KDM4C: variants seen among roughly 807,000 people sequenced by gnomAD.
KDM4C encodes lysine-specific demethylase 4C.
In KDM4C, 81 loss-of-function variants were observed where a neutral mutation model predicts 129.3. That is an observed-to-expected ratio of 0.63 (90% confidence interval 0.52 to 0.75). The LOEUF is 0.75. Among genes scored for constraint, KDM4C ranks in the 30% least tolerant of loss-of-function variants. The pLI is 0.00. For synonymous variants in KDM4C, 573 were observed against 456.1 expected, an observed-to-expected ratio of 1.26 and a Z score of -3.26; for missense variants, 1,457 against 1,304.0, an observed-to-expected ratio of 1.12 and a Z score of -1.81.
At chr9:6,757,624 T>A (rs560080462), upstream of KDM4C, 2 of 985,454 alleles carry the variant, frequency 2.0e-6, no homozygotes, top group Non-Finnish European at 2.4e-6. Context: ...CACGCTGACG[T>A]CCGCGCGTCG....
Position 6,893,338 on chromosome 9 carries a change from G to A in KDM4C, c.921+106G>A, listed in dbSNP as rs114935011. The A allele has an allele frequency of 4.7e-3, 3,905 of 831,852 alleles. 105 individuals carry two copies. The African/African-American group carries it at 0.061, about 13-fold the overall frequency. The allele number at this position is 831,852 out of a possible 1,614,324, so 51.5% of individuals were successfully genotyped here. ...CATTTATTTATTCTTCCTCACTGGC[G>A]CCATGTGCCTCTCACCACAGCAATT... On this transcript the variant is annotated intron_variant, in intron 8 of 21. Transcript: ENST00000381309.
intron 12 of KDM4C, among the ~76,000 whole-genome samples, chr9:6,991,487 T>G (rs2792242): frequency 0.25 from 38,440 of 152,094 alleles, 5,617 homozygotes; most frequent in Non-Finnish European, 0.32. Flanking sequence ...CCTAGCATCA[T>G]GAAGGCCTTA....
chr9:7,044,882 G>C (rs1375632821), intron 15 of KDM4C, among the ~76,000 whole-genome samples: 2 of 151,928 alleles, frequency 1.3e-5, no homozygotes, highest in Non-Finnish European at 2.9e-5. Flanking sequence ...GAAACTGAGG[G>C]TCAGCTAGAG....
intron 4 of KDM4C, among the ~76,000 whole-genome samples, chr9:6,838,136 G>T (rs561300574): frequency 1.3e-5 from 2 of 152,136 alleles, no homozygotes; most frequent in Admixed American, 6.5e-5. Context: ...CTCTCCTTCA[G>T]GTTGGACTGG....
At chr9:6,997,516 C>T (rs1382900438) in intron 12 of KDM4C, among the ~76,000 whole-genome samples, 1 of 152,234 alleles carries the variant, frequency 6.6e-6, no homozygotes, top group African/African-American at 2.4e-5. Flanking sequence ...TATACCTCTT[C>T]TTCTAAGTGA....
chr9:6,980,781 A>C, intron 8 of KDM4C, 144 bp from the exon 9 acceptor site: 1 of 641,728 alleles, frequency 1.6e-6, no homozygotes, highest in Non-Finnish European at 2.6e-6. Context: ...TGGGTTTATC[A>C]CCCATTGAAT....
At chr9:6,763,951 G>T (rs922386562) in intron 1 of KDM4C, among the ~76,000 whole-genome samples, 1 of 152,108 alleles carries the variant, frequency 6.6e-6, no homozygotes, top group African/African-American at 2.4e-5. Flanking sequence ...GAGACGGAGG[G>T]TTTCTCCGTG....
At chr9:6,783,083 T>C (rs191759281) in intron 1 of KDM4C, among the ~76,000 whole-genome samples, 138 of 152,266 alleles carry the variant, frequency 9.1e-4, no homozygotes, top group African/African-American at 3.2e-3. Flanking sequence ...AGGAGATGCT[T>C]TCACTTTTCA....
At chr9:6,817,704 C>T (rs1832371177) in intron 4 of KDM4C, among the ~76,000 whole-genome samples, 3 of 147,258 alleles carry the variant, frequency 2.0e-5, no homozygotes, top group Non-Finnish European at 4.5e-5. Flanking sequence ...TGGAAAAATA[C>T]AGAAAAACGT....
At chr9:7,085,423 A>G (rs1834997816) in intron 17 of KDM4C, among the ~76,000 whole-genome samples, 1 of 152,214 alleles carries the variant, frequency 6.6e-6, no homozygotes, top group Non-Finnish European at 1.5e-5. Flanking sequence ...AATTGTTTAG[A>G]GAGAACTATG....
intron 12 of KDM4C, among the ~76,000 whole-genome samples, 165 bp downstream of exon 12, chr9:6,990,689 C>G (rs960108423): frequency 2.0e-5 from 3 of 151,660 alleles, no homozygotes; most frequent in Admixed American, 6.6e-5. Flanking sequence ...GAATTTGGAA[C>G]TTAGAGGTAA....
At chr9:7,168,056 G>A (rs898222775) in intron 20 of KDM4C, among the ~76,000 whole-genome samples, 9 of 152,202 alleles carry the variant, frequency 5.9e-5, no homozygotes, top group African/African-American at 1.7e-4. Context: ...CATGGTTGGC[G>A]GCATGCTTAT....
intron 12 of KDM4C, among the ~76,000 whole-genome samples, chr9:7,000,384 A>T (rs1261723143): frequency 6.6e-5 from 10 of 152,226 alleles, no homozygotes; most frequent in Admixed American, 6.5e-4. Context: ...CTAAACAATG[A>T]TTAGCATGAA....
chr9:7,156,756 C>G (rs1587913202), intron 19 of KDM4C, among the ~76,000 whole-genome samples: 1 of 152,144 alleles, frequency 6.6e-6, no homozygotes, highest in South Asian at 2.1e-4. Context: ...GTTACTGTAG[C>G]CTTGTAGTAT....
chr9:6,936,110 G>T (rs1824730518), intron 8 of KDM4C, among the ~76,000 whole-genome samples: 1 of 152,088 alleles, frequency 6.6e-6, no homozygotes, highest in South Asian at 2.1e-4. Context: ...CCAGAAGGTA[G>T]CTTGAATATA....
intron 17 of KDM4C, among the ~76,000 whole-genome samples, chr9:7,089,735 A>T (rs1223393710): frequency 2.0e-5 from 3 of 152,236 alleles, no homozygotes; most frequent in Non-Finnish European, 4.4e-5. Context: ...ACTGCATGTA[A>T]TTCCCAAAGG....
intron 17 of KDM4C, among the ~76,000 whole-genome samples, chr9:7,057,824 A>T (rs192433346): frequency 2.6e-5 from 4 of 152,236 alleles, no homozygotes; most frequent in Admixed American, 6.5e-5. Flanking sequence ...CCCTGCAGTT[A>T]TTGCTGAAAA....
chr9:6,812,216 G>T (rs1017606632), intron 3 of KDM4C, among the ~76,000 whole-genome samples: 3 of 149,256 alleles, frequency 2.0e-5, no homozygotes, highest in African/African-American at 7.4e-5. Flanking sequence ...CAGCCTGGGT[G>T]ACAGAACAAG....
intron 1 of KDM4C, among the ~76,000 whole-genome samples, chr9:6,781,372 C>G (rs1249019847): frequency 6.8e-6 from 1 of 147,498 alleles, no homozygotes; most frequent in Non-Finnish European, 1.5e-5. Context: ...AATACATAAT[C>G]TTGTTTTTTG....
Sources: allele counts gnomAD v4.1 joint callset (sites outside exome capture counted in the v4.1 genomes callset), GRCh38; gene constraint gnomAD v4.1.1; transcripts MANE v1.5; gene names NCBI Gene and HGNC (gene_info 2026-07-23, HGNC 2026-07-21).